CAMK1D: variants seen among roughly 807,000 people sequenced by gnomAD.
CAMK1D encodes the protein calcium/calmodulin-dependent protein kinase type 1D.
In CAMK1D, 9 loss-of-function variants were observed where a neutral mutation model predicts 47.7. The ratio of observed to expected loss-of-function variants is 0.19; its 90% CI spans 0.11 to 0.33. CAMK1D has a LOEUF of 0.33. CAMK1D is among the 10% of genes least tolerant of loss of function. CAMK1D has a pLI of 1.00. For missense variants in CAMK1D, 291 were observed against 488.7 expected (o/e 0.60, Z 3.81); for synonymous variants, 184 against 184.9 (o/e 0.99, Z 0.04).
In CAMK1D at chr10:12,631,841, G is replaced by T. The variant is rs185863911; in HGVS notation, c.225-34895G>T. On this transcript the variant is annotated intron_variant, in intron 2 of 10. Transcript: ENST00000619168. Reference sequence around the variant, plus strand: ...GCAAATAAAGTGATATGACAGGATAGAGCGTGAGGAAAGCACTTTCCACTA... The same window carrying T: ...GCAAATAAAGTGATATGACAGGATATAGCGTGAGGAAAGCACTTTCCACTA... Among the ~76,000 whole-genome samples, 259 of 152,316 alleles carry T rather than the reference G, an allele frequency of 1.7e-3. 1 individual carries two copies. The Middle Eastern group carries it at 0.034, about 20-fold the overall frequency.
intron 2 of CAMK1D, among the ~76,000 whole-genome samples, chr10:12,618,486 C>T (rs1296096229): frequency 6.6e-6 from 1 of 152,178 alleles, no homozygotes; most frequent in Non-Finnish European, 1.5e-5. Flanking sequence ...ACTTGTGTGT[C>T]CATAAAGAGT....
At chr10:12,577,448 C>T (rs1837525044) in intron 2 of CAMK1D, among the ~76,000 whole-genome samples, 1 of 152,244 alleles carries the variant, frequency 6.6e-6, no homozygotes, top group African/African-American at 2.4e-5. Flanking sequence ...TTGCAGAGCA[C>T]ATTGCTTTTC....
At chr10:12,741,650 G>A (rs970304839) in intron 3 of CAMK1D, among the ~76,000 whole-genome samples, 4 of 152,124 alleles carry the variant, frequency 2.6e-5, no homozygotes, top group Admixed American at 6.5e-5. Flanking sequence ...GTCTTAGGTC[G>A]GTTTCCCTGG....
At chr10:12,452,028 G>C (rs901451471) in intron 1 of CAMK1D, among the ~76,000 whole-genome samples, 3 of 152,188 alleles carry the variant, frequency 2.0e-5, no homozygotes, top group African/African-American at 7.2e-5. Context: ...GAACCATCCA[G>C]GTTCAGAGGC....
intron 6 of CAMK1D, among the ~76,000 whole-genome samples, chr10:12,813,345 G>A (rs1015898828): frequency 1.3e-5 from 2 of 152,130 alleles, no homozygotes; most frequent in Non-Finnish European, 2.9e-5. Flanking sequence ...GGTGTCTTGT[G>A]GCAACTTGAA....
At chr10:12,732,011 A>G (rs1834910795) in intron 3 of CAMK1D, among the ~76,000 whole-genome samples, 1 of 152,172 alleles carries the variant, frequency 6.6e-6, no homozygotes, top group Non-Finnish European at 1.5e-5. Flanking sequence ...TGGGAGGCTG[A>G]GACGGGTGGG....
chr10:12,683,017 G>A (rs187876351), intron 3 of CAMK1D, among the ~76,000 whole-genome samples: 3 of 151,574 alleles, frequency 2.0e-5, no homozygotes, highest in Non-Finnish European at 4.4e-5. Context: ...TGCCTCCCAG[G>A]TTCAGGCGAT....
intron 3 of CAMK1D, among the ~76,000 whole-genome samples, chr10:12,682,087 T>G (rs1047525986): frequency 3.9e-5 from 6 of 152,072 alleles, no homozygotes; most frequent in African/African-American, 1.4e-4. Flanking sequence ...AGGCGTGGTG[T>G]TGGGTGCCTG....
chr10:12,480,629 AC>A (rs768600794), intron 1 of CAMK1D, among the ~76,000 whole-genome samples: 28 of 151,708 alleles, frequency 1.8e-4, no homozygotes, highest in South Asian at 1.5e-3. Context: ...TTCTCTTATC[AC>A]CCCCATGTTA....
chr10:12,598,207 A>G (rs1165986581), intron 2 of CAMK1D, among the ~76,000 whole-genome samples: 2 of 152,222 alleles, frequency 1.3e-5, no homozygotes, highest in Non-Finnish European at 2.9e-5. Flanking sequence ...TGTGAAAATG[A>G]AAATACTTAA....
chr10:12,787,718 G>T (rs563989837), intron 5 of CAMK1D, among the ~76,000 whole-genome samples: 1 of 152,312 alleles, frequency 6.6e-6, no homozygotes, highest in African/African-American at 2.4e-5. Flanking sequence ...AAGGTCACCA[G>T]AGGCCGGGCG....
intron 1 of CAMK1D, among the ~76,000 whole-genome samples, chr10:12,363,803 G>A (rs1452932156): frequency 6.6e-6 from 1 of 151,802 alleles, no homozygotes; most frequent in Non-Finnish European, 1.5e-5. Flanking sequence ...CCAGTAGCTG[G>A]GATCACAGGT....
intron 1 of CAMK1D, among the ~76,000 whole-genome samples, chr10:12,377,141 C>T (rs1357781282): frequency 6.6e-6 from 1 of 152,078 alleles, no homozygotes; most frequent in Non-Finnish European, 1.5e-5. Context: ...ATTTTTGAAA[C>T]ATCCAGAGAA....
intron 1 of CAMK1D, among the ~76,000 whole-genome samples, chr10:12,443,469 G>C (rs532131365): frequency 1.3e-5 from 2 of 152,262 alleles, no homozygotes; most frequent in South Asian, 2.1e-4. Flanking sequence ...AAGGGGTCCT[G>C]ATCCAGACCC....
rs144837271 is a variant in CAMK1D at position 12,409,855 on chromosome 10, C to G, written c.92+59945C>G. ...AAACTCTGTACCCATTAAGCGGTAG[C>G]TCCGCAGTACCTCCTGTCTCACCAC... On this transcript the variant is annotated intron_variant, in intron 1 of 10. Transcript: ENST00000619168. 9.5e-3 allele frequency among the ~76,000 whole-genome samples: 1,445 copies of G among 152,316 alleles called. 21 individuals carry two copies. Among genetic ancestry groups the G allele is most frequent in the African/African-American group, 0.034 (1,393 of 41,554 alleles).
chr10:12,639,419 A>T (rs950428766), intron 2 of CAMK1D, among the ~76,000 whole-genome samples: 1 of 152,206 alleles, frequency 6.6e-6, no homozygotes, highest in African/African-American at 2.4e-5. Context: ...CGCGAGGCGG[A>T]GGTTGCAGGG....
At chr10:12,546,443 A>G (rs1268813645) in intron 1 of CAMK1D, among the ~76,000 whole-genome samples, 2 of 152,292 alleles carry the variant, frequency 1.3e-5, no homozygotes, top group East Asian at 3.9e-4. Flanking sequence ...TTTGGGGTGA[A>G]GATAACTGTT....
chr10:12,625,723 T>A (rs1839195491), intron 2 of CAMK1D, among the ~76,000 whole-genome samples: 1 of 151,736 alleles, frequency 6.6e-6, no homozygotes. Context: ...AGGGCTTGCT[T>A]TTTTAATGTG....
At chr10:12,475,311 A>G (rs1340139690) in intron 1 of CAMK1D, among the ~76,000 whole-genome samples, 2 of 152,140 alleles carry the variant, frequency 1.3e-5, no homozygotes, top group Non-Finnish European at 2.9e-5. Flanking sequence ...CCTGGCAGCC[A>G]CCATTCTGCT....
Sources: allele counts gnomAD v4.1 joint callset (sites outside exome capture counted in the v4.1 genomes callset), GRCh38; gene constraint gnomAD v4.1.1; transcripts MANE v1.5; gene names NCBI Gene and HGNC (gene_info 2026-07-23, HGNC 2026-07-21).